The following WWOX variants were observed in gnomAD, a reference collection of about 807,000 sequenced individuals.
WWOX encodes the protein WW domain containing oxidoreductase, also known as WW domain-containing oxidoreductase.
WWOX carries 69 observed loss-of-function variants against 46.2 expected under a neutral mutation model. The observed-to-expected ratio is 1.49, with a 90% CI of 1.23 to 1.82. WWOX has a LOEUF of 1.82. WWOX is among the 40% of genes most tolerant of loss of function. The probability of loss-of-function intolerance (pLI) is 0.00; values close to 1 mark genes in which losing one functional copy is unlikely to be tolerated. For missense variants in WWOX, 919 were observed against 542.6 expected, an observed-to-expected ratio of 1.69 and a Z score of -6.89; for synonymous variants, 359 against 202.6, an observed-to-expected ratio of 1.77 and a Z score of -6.56.
intron 5 of WWOX, among the ~76,000 whole-genome samples, chr16:78,209,633 A>G (rs1042595605): frequency 1.3e-5 from 2 of 152,072 alleles, no homozygotes; most frequent in Non-Finnish European, 2.9e-5. Context: ...GAGAGAGAGT[A>G]TACATGTGGA....
chr16:78,604,158 A>G (rs968043554), intron 8 of WWOX, among the ~76,000 whole-genome samples: 6 of 152,098 alleles, frequency 3.9e-5, no homozygotes, highest in Non-Finnish European at 7.4e-5. Context: ...ATAAATAAAT[A>G]AAATTAGAAT....
At chr16:79,073,409 A>G (rs1336581859) in intron 8 of WWOX, among the ~76,000 whole-genome samples, 1 of 151,958 alleles carries the variant, frequency 6.6e-6, no homozygotes, top group Non-Finnish European at 1.5e-5. Context: ...CAAACTCCTG[A>G]CCTCAGGTGA....
chr16:79,070,306 GTT>G (rs1438589239), intron 8 of WWOX, among the ~76,000 whole-genome samples: 3 of 141,552 alleles, frequency 2.1e-5, no homozygotes, highest in South Asian at 4.5e-4. Context: ...GTGTGTGTGT[GTT>G]TTCCAGAAAC....
chr16:78,671,087 A>G (rs1280001720), intron 8 of WWOX, among the ~76,000 whole-genome samples: 1 of 152,146 alleles, frequency 6.6e-6, no homozygotes. Flanking sequence ...GCCTGCAGAC[A>G]CTCAGATTTC....
intron 5 of WWOX, among the ~76,000 whole-genome samples, chr16:78,201,521 A>G (rs1319957159): frequency 2.6e-5 from 4 of 152,234 alleles, no homozygotes; most frequent in South Asian, 4.1e-4. Flanking sequence ...GTAGATATTT[A>G]TAGTTTTCTA....
chr16:78,400,038 C>A (rs918984440), intron 6 of WWOX, among the ~76,000 whole-genome samples: 11 of 152,168 alleles, frequency 7.2e-5, no homozygotes, highest in African/African-American at 2.7e-4. Flanking sequence ...TGAGTCCTTT[C>A]TTGTCTTCAT....
chr16:78,578,252 T>TTATATATATATATATATATATATA (rs1567657205), intron 8 of WWOX, among the ~76,000 whole-genome samples: 8 of 38,106 alleles, frequency 2.1e-4, no homozygotes, highest in African/African-American at 7.5e-4. Flanking sequence ...GCATACCAAA[T>TTATATATATATATATATATATATA]TTTATATATA....
intron 8 of WWOX, among the ~76,000 whole-genome samples, chr16:79,117,336 A>AT (rs1365951912): frequency 6.6e-6 from 1 of 152,062 alleles, no homozygotes; most frequent in Non-Finnish European, 1.5e-5. Context: ...AGGAATACAA[A>AT]TTTTTTCCCA....
chr16:78,611,695 G>T (rs949954104), intron 8 of WWOX, among the ~76,000 whole-genome samples: 6 of 152,230 alleles, frequency 3.9e-5, no homozygotes. Context: ...CCAAATATCA[G>T]TGCTTTCAGC....
chr16:78,334,009 T>C (rs541497476), intron 5 of WWOX, among the ~76,000 whole-genome samples: 1 of 152,306 alleles, frequency 6.6e-6, no homozygotes, highest in African/African-American at 2.4e-5. Flanking sequence ...TTTTGTGAAG[T>C]CAGGTAAATG....
At chr16:78,989,663 A>G (rs530588184) in intron 8 of WWOX, among the ~76,000 whole-genome samples, 1 of 152,272 alleles carries the variant, frequency 6.6e-6, no homozygotes, top group East Asian at 1.9e-4. Context: ...ACCCTTTGCA[A>G]GAAGGGTGTT....
intron 8 of WWOX, among the ~76,000 whole-genome samples, chr16:79,116,206 G>A (rs955299949): frequency 8.5e-5 from 13 of 152,160 alleles, no homozygotes; most frequent in African/African-American, 1.7e-4. Context: ...TCAAGTTGGC[G>A]GTTGCTGAAG....
intron 8 of WWOX, among the ~76,000 whole-genome samples, chr16:78,715,293 T>A (rs1012290736): frequency 6.6e-6 from 1 of 152,138 alleles, no homozygotes; most frequent in Non-Finnish European, 1.5e-5. Flanking sequence ...AGGGAGGCAA[T>A]TGCTGTCACT....
intron 8 of WWOX, among the ~76,000 whole-genome samples, chr16:78,832,342 A>C (rs372635170): frequency 6.6e-6 from 1 of 152,178 alleles, no homozygotes; most frequent in East Asian, 1.9e-4. Context: ...TGTGAGGAAG[A>C]TGTGGCATGG....
intron 8 of WWOX, among the ~76,000 whole-genome samples, 184 bp from the exon 9 acceptor site, chr16:79,211,424 C>T (rs1019228784): frequency 2.2e-4 from 33 of 152,250 alleles, no homozygotes; most frequent in South Asian, 1.2e-3. Context: ...CTCGTTTTTC[C>T]AGGATAGTCA....
intron 8 of WWOX, among the ~76,000 whole-genome samples, chr16:78,598,639 G>GA (rs1355745087): frequency 1.3e-5 from 2 of 152,118 alleles, no homozygotes; most frequent in Non-Finnish European, 2.9e-5. Context: ...CAAACGTTTT[G>GA]AAAAGAAATC....
intron 8 of WWOX, among the ~76,000 whole-genome samples, chr16:79,044,118 A>G (rs926534505): frequency 6.6e-6 from 1 of 152,210 alleles, no homozygotes; most frequent in Non-Finnish European, 1.5e-5. Context: ...AATATAAGCA[A>G]AAGAAAAGGA....
rs112446752 is a variant in WWOX at position 78,772,614 on chromosome 16, G to C, written c.1056+339862G>C. 6.6e-5 allele frequency among the ~76,000 whole-genome samples: 10 copies of C among 152,258 alleles called. 1 individual carries two copies. Among genetic ancestry groups the C allele is most frequent in the African/African-American group, 1.7e-4 (7 of 41,564 alleles). On this transcript the variant is annotated intron_variant, in intron 8 of 8. Transcript: ENST00000566780. The stretch of plus-strand genomic sequence containing the variant: ...GATTAAACAAACAAATAAAAAAGTG[G>C]TGATTGTTATTACCAGCATGGCTAC...
chr16:78,445,403 CAT>C (rs1297823628), intron 8 of WWOX, among the ~76,000 whole-genome samples: 4 of 152,164 alleles, frequency 2.6e-5, no homozygotes, highest in Non-Finnish European at 5.9e-5. Context: ...GAGCATCTAA[CAT>C]AAGCCGGGTG....
Sources: gnomAD v4.1 joint callset for allele counts (sites outside exome capture counted in the v4.1 genomes callset) on GRCh38, gnomAD v4.1.1 for gene constraint, MANE v1.5 for transcripts, NCBI Gene and HGNC (gene_info 2026-07-23, HGNC 2026-07-21) for gene names.